HAPLN3: variants seen among roughly 807,000 people sequenced by gnomAD.
HAPLN3 encodes the protein extracellular link domain containing, 1.
Under a neutral mutation model 28.1 loss-of-function variants are expected in HAPLN3, and 28 were observed. The observed-to-expected ratio is 1.00, with a 90% CI of 0.74 to 1.37. The LOEUF is 1.37. HAPLN3 is among the 40% of genes most tolerant of loss of function. The pLI, the probability that HAPLN3 is intolerant of heterozygous loss-of-function variation, is 0.00. For synonymous variants in HAPLN3, 211 were observed against 213.1 expected (o/e 0.99, Z 0.09); for missense variants, 513 against 504.6 (o/e 1.02, Z -0.16).
chr15:88,879,607 C>T lies in HAPLN3; in HGVS notation c.494-338G>A. On this transcript the variant is annotated intron_variant, in intron 3 of 4. Transcript: ENST00000359595. This position sits in a 1 kb window ranked among gnomAD's most constrained non-coding sequence, Gnocchi z 5.0. ...TCTCCAGACAGGCCCGGGCTTTGGG[C>T]TCTAGGGGCCAGGTTTGACTCCCAG... 1 of 1,299,608 alleles carries T rather than the reference C, an allele frequency of 7.7e-7. No homozygotes were observed. The highest frequency in any genetic ancestry group is 1.4e-5 in the South Asian group (1 of 72,990). 80.5% of individuals were successfully genotyped at this position (1,299,608 alleles called of 1,614,324 possible).
Position 88,879,513 on chromosome 15 carries a change from T to C in HAPLN3, c.494-244A>G. 1 of 1,499,956 alleles carries C rather than the reference T, an allele frequency of 6.7e-7. No individual in the cohort carries two copies. Among genetic ancestry groups the C allele is most frequent in the Admixed American group, 2.0e-5 (1 of 49,774 alleles). 92.9% of individuals were successfully genotyped at this position (1,499,956 alleles called of 1,614,324 possible). A position where few individuals can be genotyped will look rare whatever the true frequency, so the allele number is the denominator to read the frequency against. On this transcript the variant is annotated intron_variant, in intron 3 of 4. Transcript: ENST00000359595. The surrounding 1 kb of genome is among the most constrained non-coding windows in gnomAD (Gnocchi z 5.0). ...TTAAGGTAATTAATTAGTCCATTAA[T>C]GTCCCCAACAATGTCCCCAACCTAA...
intron 2 of HAPLN3, among the ~76,000 whole-genome samples, chr15:88,886,303 A>G (rs1171052495): frequency 6.7e-6 from 1 of 149,158 alleles, no homozygotes; most frequent in Non-Finnish European, 1.5e-5. Context: ...GTGAGCCAAG[A>G]TCGCGCCACT....
intron 1 of HAPLN3, among the ~76,000 whole-genome samples, chr15:88,894,630 C>G (rs939133940): frequency 6.6e-6 from 1 of 152,150 alleles, no homozygotes; most frequent in Non-Finnish European, 1.5e-5. Flanking sequence ...AAGCCAGGGC[C>G]CCTCTCAATC....
At position 88,881,439 on chromosome 15, in the gene HAPLN3, C is replaced by CCGCA. The variant is rs1567200930; in HGVS notation, c.407_410dup (p.Leu138AlafsTer11). The CCGCA allele has an allele frequency of 6.2e-7, 1 of 1,614,088 alleles. No individual in the cohort carries two copies. The highest frequency in any genetic ancestry group is 1.7e-5 in the Admixed American group (1 of 60,032). ...AGCGGTAACGCCCATAGTCCTCCAG[C>CCGCA]CGCAGATCCTGGATCTCCAGCGAGA... is the stretch of plus-strand genomic sequence containing the variant. On this transcript the variant is annotated frameshift_variant, in exon 3 of 5. Coordinates refer to ENST00000359595, the MANE Select transcript of HAPLN3 (RefSeq NM_178232.4). LOFTEE classifies it high-confidence loss of function. The surrounding 1 kb of genome is among the most constrained non-coding windows in gnomAD (Gnocchi z 6.0).
At position 88,878,334 on chromosome 15, in the gene HAPLN3, C is replaced by T; in HGVS notation, c.797-78G>A. The T allele has an allele frequency of 3.0e-6, 4 of 1,334,616 alleles. No individual in the cohort carries two copies. In the South Asian group the frequency reaches 5.4e-5, roughly 18 times the overall value. The allele number at this position is 1,334,616 out of a possible 1,614,324, so 82.7% of individuals were successfully genotyped here. A position where few individuals can be genotyped will look rare whatever the true frequency, so the allele number is the denominator to read the frequency against. On this transcript the variant is annotated intron_variant, in intron 4 of 4. Transcript: ENST00000359595. ...ACAGCGGGGTCTGCAGAGATGCCAG[C>T]CCCAAAGACCCGTCTGAGCCCAGGG...
chr15:88,879,364 C>T lies in HAPLN3; in HGVS notation c.494-95G>A. On this transcript the variant is annotated intron_variant, in intron 3 of 4. Coordinates refer to ENST00000359595, the MANE Select transcript of HAPLN3 (RefSeq NM_178232.4). This position sits in a 1 kb window ranked among gnomAD's most constrained non-coding sequence, Gnocchi z 5.0. ...CCCACCTTCACTGGGACATGTGCTG[C>T]CTGCAACACACACACATACACCATC... The T allele has an allele frequency of 1.3e-6, 2 of 1,577,714 alleles. No individual in the cohort carries two copies. Among genetic ancestry groups the T allele is most frequent in the Non-Finnish European group, 1.7e-6 (2 of 1,170,228 alleles).
chr15:88,881,846 C>T lies in HAPLN3; in HGVS notation c.125-121G>A. ...TCAGATTGCAAAAATGGCCACCATG[C>T]TCCACCCCTCCCTGTATCCACATGC... On this transcript the variant is annotated intron_variant, in intron 2 of 4. Coordinates refer to ENST00000359595, the MANE Select transcript of HAPLN3 (RefSeq NM_178232.4). The surrounding 1 kb of genome is among the most constrained non-coding windows in gnomAD (Gnocchi z 6.0). The T allele has an allele frequency of 3.2e-6, 3 of 936,584 alleles. No individual in the cohort carries two copies. Among genetic ancestry groups the T allele is most frequent in the South Asian group, 1.7e-5 (1 of 59,838 alleles). The allele number at this position is 936,584 out of a possible 1,614,324, so 58.0% of individuals were successfully genotyped here. A position where few individuals can be genotyped will look rare whatever the true frequency, so the allele number is the denominator to read the frequency against.
chr15:88,879,183 C>G lies in HAPLN3; in HGVS notation c.580G>C (p.Val194Leu). ...GQQVCAEQAA[V>L]VASFEQLFRA... ...AAGAGCTGCTCAAAGGAGGCCACCACCGCAGCCTGCTCTGCACAGACCTGC... is the reference window on the plus strand; with the variant it reads ...AAGAGCTGCTCAAAGGAGGCCACCAGCGCAGCCTGCTCTGCACAGACCTGC... The change falls in exon 4 of 5, where the codon GTG (valine) becomes CTG (leucine). Residue 194 changes from valine (V) to leucine (L), a missense_variant. By Grantham distance (32) the Val-to-Leu change is conservative. Coordinates refer to ENST00000359595, the MANE Select transcript of HAPLN3 (RefSeq NM_178232.4). The surrounding 1 kb of genome is among the most constrained non-coding windows in gnomAD (Gnocchi z 5.0). 6.2e-7 allele frequency: 1 copy of G among 1,613,864 alleles called. No individual in the cohort carries two copies. The highest frequency in any genetic ancestry group is 8.5e-7 in the Non-Finnish European group (1 of 1,179,996).
Position 88,881,209 on chromosome 15 carries a change from T to TG in HAPLN3, c.493+147dup, listed in dbSNP as rs1181796998. On this transcript the variant is annotated intron_variant, in intron 3 of 4. Coordinates refer to ENST00000359595, the MANE Select transcript of HAPLN3 (RefSeq NM_178232.4). The surrounding 1 kb of genome is among the most constrained non-coding windows in gnomAD (Gnocchi z 6.0). ...TGCCTCAGTTTTCTCACCTGTAAAATGGGGGTCACAACAGTAGCTTCCATG... is the reference window on the plus strand; with the variant it reads ...TGCCTCAGTTTTCTCACCTGTAAAATGGGGGGTCACAACAGTAGCTTCCATG... The TG allele has an allele frequency of 1.2e-5, 12 of 1,030,620 alleles. No homozygotes were observed. Among genetic ancestry groups the TG allele is most frequent in the South Asian group, 1.6e-5 (1 of 60,794 alleles). 63.8% of individuals were successfully genotyped at this position (1,030,620 alleles called of 1,614,324 possible).
At chr15:88,885,697 C>T (rs1596171077) in intron 2 of HAPLN3, among the ~76,000 whole-genome samples, 1 of 152,124 alleles carries the variant, frequency 6.6e-6, no homozygotes, top group Admixed American at 6.5e-5. Context: ...CCTCGTGATC[C>T]ATCCACCTCG....
intron 4 of HAPLN3, 44 bp downstream of exon 4, chr15:88,878,923 G>A (rs1258912871): frequency 2.6e-6 from 4 of 1,541,680 alleles, no homozygotes; most frequent in Non-Finnish European, 3.5e-6. Flanking sequence ...CAGGTCCCAG[G>A]TGGCCACCAA....
rs1212431107 is a variant in HAPLN3, at chr15:88,879,205, C to T, written c.558G>A (p.Gln186=). ...CCACCGCAGCCTGCTCTGCACAGAC[C>T]TGCTGGCCCTCGTGGAAGTTGAACT... ...RYQFNFHEGQ[Q]VCAEQAAVVA... Residue 186 remains glutamine, a synonymous_variant, in exon 4 of 5, where the codon CAG becomes CAA. Transcript: ENST00000359595. This position sits in a 1 kb window ranked among gnomAD's most constrained non-coding sequence, Gnocchi z 5.0. 1 of 1,612,594 alleles carries T rather than the reference C, an allele frequency of 6.2e-7. No individual in the cohort carries two copies.
Position 88,879,259 on chromosome 15 carries a change from A to C in HAPLN3, c.504T>G (p.Phe168Leu). 5 of 1,607,382 alleles carry C rather than the reference A, an allele frequency of 3.1e-6. No individual in the cohort carries two copies. Among genetic ancestry groups the C allele is most frequent in the Non-Finnish European group, 4.3e-6 (5 of 1,176,462 alleles). Residue 168 changes from phenylalanine to leucine, a missense_variant, in exon 4 of 5, where the codon TTT becomes TTG. By Grantham distance (22) the Phe-to-Leu change is conservative. Transcript: ENST00000359595. This position sits in a 1 kb window ranked among gnomAD's most constrained non-coding sequence, Gnocchi z 5.0. ...LVELELRGVVFPYQSPNGRYQ... is the reference protein window; with the variant it reads ...LVELELRGVVLPYQSPNGRYQ... ...AGCGCCCGTTGGGGGACTGGTAAGG[A>C]AAGACCACACCTGCAGGGGAAGGAA...
At chr15:88,886,756 C>A (rs1329548694) in intron 2 of HAPLN3, among the ~76,000 whole-genome samples, 1 of 152,176 alleles carries the variant, frequency 6.6e-6, no homozygotes, top group Non-Finnish European at 1.5e-5. Context: ...ACCCGGGAGG[C>A]AGAGGTTGCA....
chr15:88,877,664 C>T lies in HAPLN3; in HGVS notation c.*306G>A, dbSNP rs540581019. 533 of 319,722 alleles carry T rather than the reference C, an allele frequency of 1.7e-3. 1 individual carries two copies. The highest frequency in any genetic ancestry group is 2.7e-3 in the Non-Finnish European group (468 of 174,618). The allele number at this position is 319,722 out of a possible 1,614,324, so 19.8% of individuals were successfully genotyped here. ...CCCGGCGGCATTCTAGACAGGCCAC[C>T]GCCCACTCTGGGCACCAACCTCCTT... On this transcript the variant is annotated 3_prime_UTR_variant, in exon 5 of 5. Transcript: ENST00000359595. This position sits in a 1 kb window ranked among gnomAD's most constrained non-coding sequence, Gnocchi z 5.1.
At chr15:88,882,724 C>A (rs1351978020) in intron 2 of HAPLN3, among the ~76,000 whole-genome samples, 2 of 152,132 alleles carry the variant, frequency 1.3e-5, no homozygotes, top group African/African-American at 2.4e-5. Context: ...GGGACAGGGG[C>A]CAGGCACGGT....
chr15:88,886,955 A>G (rs1276832323), intron 2 of HAPLN3, among the ~76,000 whole-genome samples: 1 of 152,172 alleles, frequency 6.6e-6, no homozygotes, highest in Non-Finnish European at 1.5e-5. Flanking sequence ...GGAAAGTAAA[A>G]AGCCTAAGTG....
rs906235890 is a variant in HAPLN3 at position 88,888,798 on chromosome 15, T to C, written c.-47-1453A>G. Reference sequence around the variant, plus strand: ...CAAATGAGACTGAAGATGCAGGAGTTTGCCAGGTGGAGAAGGACTGACAGG... The same window carrying C: ...CAAATGAGACTGAAGATGCAGGAGTCTGCCAGGTGGAGAAGGACTGACAGG... On this transcript the variant is annotated intron_variant, in intron 1 of 4. Coordinates refer to ENST00000359595, the MANE Select transcript of HAPLN3 (RefSeq NM_178232.4). This position sits in a 1 kb window ranked among gnomAD's most constrained non-coding sequence, Gnocchi z 4.1. Among the ~76,000 whole-genome samples the C allele has an allele frequency of 3.9e-5, 6 of 152,130 alleles. No individual in the cohort carries two copies. Among genetic ancestry groups the C allele is most frequent in the Non-Finnish European group, 7.4e-5 (5 of 68,012 alleles).
At chr15:88,891,368 C>T (rs1490437155) in intron 1 of HAPLN3, among the ~76,000 whole-genome samples, 1 of 151,866 alleles carries the variant, frequency 6.6e-6, no homozygotes, top group Non-Finnish European at 1.5e-5. Flanking sequence ...AAGATCTCGG[C>T]TCATAGCAAC....
Sources: gnomAD v4.1 joint callset for allele counts (sites outside exome capture counted in the v4.1 genomes callset) on GRCh38, gnomAD v4.1.1 for gene constraint, Gnocchi (gnomAD v3.1) non-coding constraint, MANE v1.5 for transcripts, NCBI Gene and HGNC (gene_info 2026-07-23, HGNC 2026-07-21) for gene names.